Variants in MIA2 observed in about 807,000 individuals in gnomAD.
MIA2 encodes MIA SH3 domain ER export factor 2, also known as melanoma inhibitory activity protein 2.
In MIA2, 127 loss-of-function variants were observed where a neutral mutation model predicts 167.8. The ratio of observed to expected loss-of-function variants is 0.76; its 90% CI spans 0.66 to 0.88. The LOEUF is 0.88. MIA2 is among the 40% of genes least tolerant of loss of function. The pLI is 0.00. For missense variants in MIA2, 1,690 were observed against 1,624.7 expected (o/e 1.04, Z -0.69); for synonymous variants, 552 against 541.9 (o/e 1.02, Z -0.26).
downstream of MIA2, among the ~76,000 whole-genome samples, chr14:39,355,282 A>T (rs1183334139): frequency 1.3e-5 from 2 of 152,140 alleles, no homozygotes; most frequent in Non-Finnish European, 2.9e-5. Context: ...CATCCCTTGT[A>T]AGTTGGATTC....
chr14:39,300,307 GTT>G (rs1294587630), intron 14 of MIA2, among the ~76,000 whole-genome samples: 1 of 152,106 alleles, frequency 6.6e-6, no homozygotes, highest in Admixed American at 6.5e-5. Context: ...GGTTGGAAGA[GTT>G]TGAGAAATTG....
Position 39,308,482 on chromosome 14 carries a change from C to T in MIA2, c.2912C>T (p.Ser971Phe). The T allele has an allele frequency of 6.4e-7, 1 of 1,561,804 alleles. No individual in the cohort carries two copies. Among genetic ancestry groups the T allele is most frequent in the Non-Finnish European group, 8.7e-7 (1 of 1,149,028 alleles). Reference protein sequence around the residue: ...HIKNLQTEQASLQSENTHFEN... With the variant: ...HIKNLQTEQAFLQSENTHFEN... ...AAAAATCTTCAGACTGAACAAGCAT[C>T]TTTGCAGTCAGAAAACACACATTTT... The change falls in exon 18 of 29, where the codon TCT becomes TTT. Residue 971 changes from serine to phenylalanine, a missense_variant. Ser to Phe is a radical substitution (Grantham distance 155). Coordinates refer to ENST00000640607, the MANE Select transcript of MIA2 (RefSeq NM_001329214.4).
Position 39,299,427 on chromosome 14 carries a change from C to T in MIA2, c.2497-437C>T, listed in dbSNP as rs551636102. 4.7e-5 allele frequency among the ~76,000 whole-genome samples: 7 copies of T among 150,026 alleles called. No homozygotes were observed. The East Asian group carries it at 8.0e-4, about 17-fold the overall frequency. ...GGTTCAAGCGATTCTCCTGCCTCAA[C>T]TTCCTGAGTAGCTGGGACTACAGGC... On this transcript the variant is annotated intron_variant, in intron 13 of 28. Transcript: ENST00000640607.
intron 23 of MIA2, among the ~76,000 whole-genome samples, chr14:39,375,443 C>T (rs889931208): frequency 6.6e-6 from 1 of 152,186 alleles, no homozygotes; most frequent in Admixed American, 6.5e-5. Context: ...CACCTGTAAT[C>T]CCAGCACTTT....
At chr14:39,296,393 T>C (rs2061423899) in intron 13 of MIA2, among the ~76,000 whole-genome samples, 2 of 152,036 alleles carry the variant, frequency 1.3e-5, no homozygotes, top group Admixed American at 6.5e-5. Context: ...TTTTAAGAAG[T>C]CAGAAGCTAT....
intron 6 of MIA2, among the ~76,000 whole-genome samples, chr14:39,274,567 A>G (rs941446748): frequency 3.3e-5 from 5 of 150,954 alleles, no homozygotes; most frequent in African/African-American, 1.2e-4. Context: ...CTGGGATTAC[A>G]GGCTTACGCC....
chr14:39,383,512 C>A (rs1179810965), intron 23 of MIA2, among the ~76,000 whole-genome samples: 1 of 152,132 alleles, frequency 6.6e-6, no homozygotes, highest in Non-Finnish European at 1.5e-5. Context: ...TATGACTAAC[C>A]CTACAGTGAC....
chr14:39,319,331 T>G, intron 23 of MIA2, 40 bp downstream of exon 23: 3 of 986,112 alleles, frequency 3.0e-6, no homozygotes, highest in Non-Finnish European at 4.4e-6. Context: ...AAATACATAT[T>G]TTACATATAT....
Position 39,323,443 on chromosome 14 carries a change from A to C in MIA2, c.3496+2387A>C, listed in dbSNP as rs896387146. ...TGCAAGCTTATGACTTAGTTCTCTA[A>C]GTCCACCCCCACCCCTCCATTTTTT... On this transcript the variant is annotated intron_variant, in intron 24 of 28. Transcript: ENST00000640607. 2.0e-5 allele frequency among the ~76,000 whole-genome samples: 3 copies of C among 150,942 alleles called. No individual in the cohort carries two copies. The East Asian group carries it at 5.9e-4, about 30-fold the overall frequency.
At chr14:39,311,872 C>G (rs1196780660) in intron 18 of MIA2, among the ~76,000 whole-genome samples, 1 of 150,738 alleles carries the variant, frequency 6.6e-6, no homozygotes, top group Non-Finnish European at 1.5e-5. Flanking sequence ...CTCTGTCGCC[C>G]AGGCTGGGGT....
chr14:39,262,190 G>A (rs1350624147), intron 6 of MIA2, among the ~76,000 whole-genome samples: 2 of 152,194 alleles, frequency 1.3e-5, no homozygotes, highest in African/African-American at 2.4e-5. Flanking sequence ...AAGGGATCCA[G>A]TTTCAGCTTT....
intron 23 of MIA2, chr14:39,385,337 T>G: frequency 3.7e-6 from 3 of 803,802 alleles, no homozygotes; most frequent in Non-Finnish European, 6.3e-6. Flanking sequence ...AAAAAAAAGT[T>G]CAGGTTATAC....
At chr14:39,344,652 C>T (rs1386723883) in intron 25 of MIA2, among the ~76,000 whole-genome samples, 1 of 152,036 alleles carries the variant, frequency 6.6e-6, no homozygotes, top group Non-Finnish European at 1.5e-5. Flanking sequence ...GTGATATATC[C>T]AACACTGATT....
chr14:39,333,042 T>G (rs1026226289), intron 25 of MIA2, among the ~76,000 whole-genome samples: 4 of 152,124 alleles, frequency 2.6e-5, no homozygotes, highest in African/African-American at 9.7e-5. Flanking sequence ...ATCTGCTGAG[T>G]TTTTTATCTT....
At chr14:39,289,516 G>T (rs1373085180) in intron 9 of MIA2, among the ~76,000 whole-genome samples, 1 of 152,118 alleles carries the variant, frequency 6.6e-6, no homozygotes, top group African/African-American at 2.4e-5. Flanking sequence ...CCCATCCAAG[G>T]TACCAGTTTT....
chr14:39,283,282 T>C (rs1222406361), intron 9 of MIA2, among the ~76,000 whole-genome samples: 1 of 152,208 alleles, frequency 6.6e-6, no homozygotes, highest in African/African-American at 2.4e-5. Context: ...ATATAGTAGC[T>C]CTATTTTAAA....
chr14:39,379,900 C>G (rs568553514), intron 23 of MIA2, among the ~76,000 whole-genome samples: 1 of 151,808 alleles, frequency 6.6e-6, no homozygotes, highest in Non-Finnish European at 1.5e-5. Context: ...ATGTTTTTAT[C>G]TCAGTTTTCC....
intron 9 of MIA2, among the ~76,000 whole-genome samples, chr14:39,285,194 C>G (rs2059444509): frequency 6.6e-6 from 1 of 152,124 alleles, no homozygotes; most frequent in African/African-American, 2.4e-5. Flanking sequence ...CTATCTTTTC[C>G]CCACCTTTCC....
intron 4 of MIA2, among the ~76,000 whole-genome samples, chr14:39,249,657 C>G (rs1221455569): frequency 6.6e-6 from 1 of 152,088 alleles, no homozygotes; most frequent in Non-Finnish European, 1.5e-5. Context: ...AGGTATCTAG[C>G]AACTTCTATG....
Sources: gnomAD v4.1 joint callset for allele counts (sites outside exome capture counted in the v4.1 genomes callset) on GRCh38, gnomAD v4.1.1 for gene constraint, MANE v1.5 for transcripts, NCBI Gene and HGNC (gene_info 2026-07-23, HGNC 2026-07-21) for gene names.